The following CHLSN variants were observed in gnomAD, a reference collection of about 807,000 sequenced individuals.
The protein encoded by CHLSN is cholesin.
the CHLSN span, among the ~76,000 whole-genome samples, chr7:1,007,558 A>G: frequency 0.61 from 92,803 of 152,014 alleles, 30,088 homozygotes; most frequent in African/African-American, 0.84. Flanking sequence ...GCTTGCGGGC[A>G]CCCTTGGAGA....
chr7:1,092,829 G>C, the CHLSN span: 2 of 1,613,044 alleles, frequency 1.2e-6, no homozygotes, highest in Non-Finnish European at 1.7e-6. Context: ...CCGAGCAGTC[G>C]GATGTGAGGT....
the CHLSN span, chr7:1,025,916 G>T: frequency 0.018 from 2,819 of 152,378 alleles, 53 homozygotes; most frequent in Non-Finnish European, 0.031. Flanking sequence ...CTGGGACGGA[G>T]GGCTCCCTTC....
At chr7:1,119,483 C>T in the CHLSN span, among the ~76,000 whole-genome samples, 159 of 152,326 alleles carry the variant, frequency 1.0e-3, 1 homozygote, top group African/African-American at 3.7e-3. Context: ...AGAGAAGCCA[C>T]AGAATGGGAG....
the CHLSN span, chr7:1,087,969 T>G: frequency 6.6e-6 from 1 of 152,242 alleles, no homozygotes; most frequent in East Asian, 1.9e-4. Flanking sequence ...CTGAGCTGAT[T>G]GCCAAAGTGT....
At chr7:1,027,874 C>G in the CHLSN span, among the ~76,000 whole-genome samples, 1 of 152,214 alleles carries the variant, frequency 6.6e-6, no homozygotes, top group African/African-American at 2.4e-5. Context: ...CCGGGGGCTG[C>G]TGCATCGCGG....
chr7:1,015,773 A>G, the CHLSN span, among the ~76,000 whole-genome samples: 56,712 of 151,990 alleles, frequency 0.37, 11,641 homozygotes, highest in African/African-American at 0.55. Context: ...GCAGGAGCGC[A>G]TCCCAACACC....
the CHLSN span, chr7:987,335 C>T: frequency 6.4e-7 from 1 of 1,567,004 alleles, no homozygotes; most frequent in East Asian, 2.3e-5. Context: ...AGCGGCCCAC[C>T]CTTTGCCCCA....
the CHLSN span, among the ~76,000 whole-genome samples, chr7:1,001,535 G>GA: frequency 7.0e-6 from 1 of 142,798 alleles, no homozygotes; most frequent in African/African-American, 2.6e-5. Flanking sequence ...TCCTGTGGGT[G>GA]GGGAGTCCTG....
At chr7:1,124,614 G>A in the CHLSN span, among the ~76,000 whole-genome samples, 4 of 149,942 alleles carry the variant, frequency 2.7e-5, no homozygotes, top group East Asian at 7.9e-4. Context: ...CCTAATGCTA[G>A]ATGACGAGTT....
At chr7:1,125,228 G>C in the CHLSN span, among the ~76,000 whole-genome samples, 1 of 152,226 alleles carries the variant, frequency 6.6e-6, no homozygotes, top group Non-Finnish European at 1.5e-5. Context: ...CCGTGGCTGG[G>C]TAGCCCAGGG....
the CHLSN span, among the ~76,000 whole-genome samples, chr7:1,051,243 G>A: frequency 1.3e-5 from 2 of 152,212 alleles, no homozygotes; most frequent in African/African-American, 4.8e-5. Context: ...TCCCAACCCC[G>A]GTCCTCTCAG....
chr7:1,019,024 G>A, the CHLSN span, among the ~76,000 whole-genome samples: 2 of 151,926 alleles, frequency 1.3e-5, no homozygotes, highest in African/African-American at 2.4e-5. Flanking sequence ...GTGAAACCCC[G>A]TCTCTACTAA....
the CHLSN span, among the ~76,000 whole-genome samples, chr7:1,136,465 C>CATAT: frequency 1.5e-5 from 1 of 67,796 alleles, no homozygotes; most frequent in African/African-American, 7.5e-5. Flanking sequence ...CATATATAAA[C>CATAT]ATATATAAAT....
chr7:1,016,462 CCAGCACATAGCAGCACAG>C, the CHLSN span, among the ~76,000 whole-genome samples: 5 of 117,650 alleles, frequency 4.2e-5, no homozygotes, highest in Non-Finnish European at 6.9e-5. Flanking sequence ...GCAGCGCACG[CCAGCACATAGCAGCACAG>C]CAGCACACAG....
At chr7:1,059,611 T>G in the CHLSN span, among the ~76,000 whole-genome samples, 3 of 67,520 alleles carry the variant, frequency 4.4e-5, no homozygotes, top group East Asian at 3.8e-4. Flanking sequence ...GGCGGGTCAG[T>G]AGGTGGTTCT....
the CHLSN span, among the ~76,000 whole-genome samples, chr7:1,108,896 T>A: frequency 5.7e-4 from 31 of 54,520 alleles, no homozygotes; most frequent in Non-Finnish European, 1.2e-3. Flanking sequence ...CTCCCAGGCA[T>A]TTTTTTTTTT....
chr7:1,049,649 G>C, the CHLSN span, among the ~76,000 whole-genome samples: 1 of 152,194 alleles, frequency 6.6e-6, no homozygotes, highest in Non-Finnish European at 1.5e-5. Flanking sequence ...AGACAGCAGG[G>C]CACGGTCCTT....
the CHLSN span, among the ~76,000 whole-genome samples, chr7:1,135,527 G>T: frequency 2.0e-4 from 31 of 151,662 alleles, no homozygotes; most frequent in Non-Finnish European, 5.9e-5. Context: ...AGCACTTTGG[G>T]AGGCCGAGGC....
the CHLSN span, chr7:986,631 A>G: frequency 6.2e-7 from 1 of 1,612,492 alleles, no homozygotes; most frequent in Admixed American, 1.7e-5. Flanking sequence ...CAGCTGTTCA[A>G]CGTCTACCCA....
Sources: allele counts gnomAD v4.1 joint callset (sites outside exome capture counted in the v4.1 genomes callset), GRCh38; gene constraint gnomAD v4.1.1; transcripts MANE v1.5; gene names NCBI Gene and HGNC (gene_info 2026-07-23, HGNC 2026-07-21).